Variants in CARD10 observed in about 807,000 individuals in gnomAD.
The protein encoded by CARD10 is caspase recruitment domain family member 10.
In CARD10, 49 loss-of-function variants were observed where a neutral mutation model predicts 114.6. The ratio of observed to expected loss-of-function variants is 0.43; its 90% CI spans 0.34 to 0.54. The LOEUF (loss-of-function observed/expected upper bound fraction) is 0.54. CARD10 is among the 20% of genes least tolerant of loss of function. The pLI is 0.03. For synonymous variants in CARD10, 602 were observed against 593.2 expected, an observed-to-expected ratio of 1.01 and a Z score of -0.21; for missense variants, 1,206 against 1,397.2, an observed-to-expected ratio of 0.86 and a Z score of 2.18.
chr22:37,495,713 C>G, intron 14 of CARD10, 47 bp downstream of exon 14: 1 of 1,611,746 alleles, frequency 6.2e-7, no homozygotes, highest in Non-Finnish European at 8.5e-7. Flanking sequence ...CCATCTGAGC[C>G]CTGGCTCCCA....
intron 16 of CARD10, 51 bp downstream of exon 16, chr22:37,494,035 C>T (rs1467913233): frequency 7.5e-7 from 1 of 1,332,552 alleles, no homozygotes; most frequent in Non-Finnish European, 1.1e-6. Context: ...CTGCACACAT[C>T]CCTGGACAAT....
intron 9 of CARD10, 150 bp from the exon 10 acceptor site, chr22:37,503,363 C>A: frequency 1.5e-6 from 1 of 683,708 alleles, no homozygotes; most frequent in Non-Finnish European, 2.4e-6. Flanking sequence ...AGGTACAGGG[C>A]ACCCATGCCA....
intron 3 of CARD10, 162 bp from the exon 4 acceptor site, chr22:37,510,583 G>A (rs919473748): frequency 9.6e-6 from 6 of 625,026 alleles, no homozygotes; most frequent in African/African-American, 9.2e-5. Context: ...AGGACAGGCT[G>A]GACAGATATA....
At chr22:37,509,800 T>C (rs1443515058) in intron 4 of CARD10, among the ~76,000 whole-genome samples, 2 of 113,052 alleles carry the variant, frequency 1.8e-5, no homozygotes, top group African/African-American at 3.1e-5. Flanking sequence ...TGGTACCTGC[T>C]GCAGGCCCTC....
chr22:37,510,418 C>A lies in CARD10; in HGVS notation c.703G>T (p.Asp235Tyr). The A allele has an allele frequency of 6.2e-7, 1 of 1,613,334 alleles. No homozygotes were observed. Among genetic ancestry groups the A allele is most frequent in the Non-Finnish European group, 8.5e-7 (1 of 1,179,810 alleles). Reference sequence around the variant, plus strand: ...CGACTCACTTTGAGCTTGAGCTGATCCACCTGGAGCCCAAGACATGGGTCA... The same window carrying A: ...CGACTCACTTTGAGCTTGAGCTGATACACCTGGAGCCCAAGACATGGGTCA... Reference protein sequence around the residue: ...LRSRDLQLAVDQLKLKVSRLE... With the variant: ...LRSRDLQLAVYQLKLKVSRLE... The change falls in exon 4 of 20, where the codon GAT becomes TAT. Residue 235 changes from aspartate (D) to tyrosine (Y), a missense_variant. Transcript: ENST00000251973.
intron 8 of CARD10, 115 bp from the exon 9 acceptor site, chr22:37,504,416 G>A: frequency 9.5e-7 from 1 of 1,052,258 alleles, no homozygotes; most frequent in Non-Finnish European, 1.3e-6. Context: ...GAGCAGAAGA[G>A]CGGGCTCTGC....
Position 37,492,162 on chromosome 22 carries a change from A to C in CARD10, c.2751+273T>G, listed in dbSNP as rs899408660. Reference sequence around the variant, plus strand: ...ACCTTATAGCCGACTGCCAGCTCCCAGGATAGTGGCAAGTTCAAGGATAAG... The same window carrying C: ...ACCTTATAGCCGACTGCCAGCTCCCCGGATAGTGGCAAGTTCAAGGATAAG... On this transcript the variant is annotated intron_variant, in intron 18 of 19. Transcript: ENST00000251973. The surrounding 1 kb of genome is among the most constrained non-coding windows in gnomAD (Gnocchi z 5.7). Among the ~76,000 whole-genome samples, 7 of 150,086 alleles carry C rather than the reference A, an allele frequency of 4.7e-5. No individual in the cohort carries two copies. Among genetic ancestry groups the C allele is most frequent in the African/African-American group, 1.5e-4 (6 of 40,742 alleles).
In CARD10 at chr22:37,504,243, G is replaced by A. The variant is rs746331330; in HGVS notation, c.1577C>T (p.Pro526Leu). Residue 526 changes from proline (P) to leucine (L), a missense_variant, in exon 9 of 20, where the codon CCC becomes CTC. Transcript: ENST00000251973. ...INRLSILPFP[P>L]SAGSILRRQR... is the part of the protein sequence containing the mutation. ...CCGGCGGAGGATGGAGCCGGCACTG[G>A]GGGGGAAGGGCAGGATGGAGAGCCG... 3.8e-6 allele frequency: 6 copies of A among 1,580,838 alleles called. No homozygotes were observed. In the East Asian group the frequency reaches 1.2e-4, roughly 30 times the overall value.
chr22:37,517,375 C>T (rs1293899453), intron 2 of CARD10, among the ~76,000 whole-genome samples: 1 of 152,198 alleles, frequency 6.6e-6, no homozygotes, highest in Non-Finnish European at 1.5e-5. Flanking sequence ...CAGTGGCTCA[C>T]GCCTGTAATC....
chr22:37,492,391 T>C lies in CARD10; in HGVS notation c.2751+44A>G, dbSNP rs763197028. On this transcript the variant is annotated intron_variant, in intron 18 of 19. Coordinates refer to ENST00000251973, the MANE Select transcript of CARD10 (RefSeq NM_014550.4). The surrounding 1 kb of genome is among the most constrained non-coding windows in gnomAD (Gnocchi z 5.7). ...AAGCCCAGAACAGCAGCACCCGCTC[T>C]GGGCCACCTCTGTGAGCACCCCAGG... 1.1e-5 allele frequency: 16 copies of C among 1,401,300 alleles called. No homozygotes were observed. In the East Asian group the frequency reaches 3.5e-4, roughly 30 times the overall value. The allele number at this position is 1,401,300 out of a possible 1,614,324, so 86.8% of individuals were successfully genotyped here.
intron 9 of CARD10, 193 bp downstream of exon 9, chr22:37,503,993 T>G (rs374814110): frequency 6.5e-5 from 46 of 711,832 alleles, no homozygotes; most frequent in African/African-American, 5.9e-4. Context: ...CCCATCGGCC[T>G]TATCTTAAGC....
In CARD10 at chr22:37,496,376, C is replaced by T; in HGVS notation, c.2059+73G>A. 8.8e-7 allele frequency: 1 copy of T among 1,137,334 alleles called. No individual in the cohort carries two copies. The highest frequency in any genetic ancestry group is 1.3e-6 in the Non-Finnish European group (1 of 778,066). 70.5% of individuals were successfully genotyped at this position (1,137,334 alleles called of 1,614,324 possible). On this transcript the variant is annotated intron_variant, in intron 13 of 19. Coordinates refer to ENST00000251973, the MANE Select transcript of CARD10 (RefSeq NM_014550.4). This position sits in a 1 kb window ranked among gnomAD's most constrained non-coding sequence, Gnocchi z 4.1. ...TGGTCCCTTCTCAGGTCCTTGGTCC[C>T]TCCCCACCCCATGCACCACGGGTTA...
intron 11 of CARD10, 87 bp from the exon 12 acceptor site, chr22:37,497,265 T>C: frequency 7.1e-7 from 1 of 1,414,340 alleles, no homozygotes. Context: ...AGTGATTTCA[T>C]TTCCCAAGTA....
At chr22:37,493,028 G>C (rs958088721) in intron 16 of CARD10, among the ~76,000 whole-genome samples, 3 of 152,028 alleles carry the variant, frequency 2.0e-5, no homozygotes, top group African/African-American at 7.3e-5. Context: ...CCATCCAGCA[G>C]CCAGAGAGGC....
Position 37,495,869 on chromosome 22 carries a change from G to A in CARD10, c.2194C>T (p.Leu732Phe), listed in dbSNP as rs1419969622. The A allele has an allele frequency of 1.2e-6, 2 of 1,614,164 alleles. No individual in the cohort carries two copies. The highest frequency in any genetic ancestry group is 1.1e-5 in the South Asian group (1 of 91,090). The change falls in exon 14 of 20, where the codon CTT becomes TTT. Residue 732 changes from leucine to phenylalanine, a missense_variant. Leu to Phe is a conservative substitution (Grantham distance 22). This residue lies in a region of CARD10 where 1,068 missense variants were observed against 1,179.1 expected (regional missense o/e 0.91). Coordinates refer to ENST00000251973, the MANE Select transcript of CARD10 (RefSeq NM_014550.4). ...TTGTATGCCGAGTCCACCAGTCGAA[G>A]GATCTCTTGGGCTTTCACGCAAAGG... Reference protein sequence around the residue: ...HALCVKAQEILRLVDSAYKRR... With the variant: ...HALCVKAQEIFRLVDSAYKRR...
At position 37,516,215 on chromosome 22, in the gene CARD10, G is replaced by A. The variant is rs777963707; in HGVS notation, c.457C>T (p.Arg153Trp). The A allele has an allele frequency of 5.0e-6, 8 of 1,600,518 alleles. No homozygotes were observed. The highest frequency in any genetic ancestry group is 4.5e-5 in the East Asian group (2 of 44,550). The part of the protein sequence containing the change: ...LREARKSQLQ[R>W]EQQLQARGRV... ...CCCCGGGCCTGCAGTTGCTGCTCCC[G>A]CTGCAGCTGGCTCTTGCGAGCTTCC... The change falls in exon 3 of 20, where the codon CGG becomes TGG. Residue 153 changes from arginine (R) to tryptophan (W), a missense_variant. By Grantham distance (101) the Arg-to-Trp change is moderately radical. Around this residue, in one of 2 missense-constraint regions of CARD10, gnomAD observed 1,068 missense variants for 1,179.1 expected, o/e 0.91. Transcript: ENST00000251973.
At chr22:37,510,126 G>T in intron 4 of CARD10, 86 bp downstream of exon 4, 1 of 783,038 alleles carries the variant, frequency 1.3e-6, no homozygotes, top group Non-Finnish European at 1.8e-6. Flanking sequence ...CCCCCACCCC[G>T]CAGCCTGTGC....
At chr22:37,512,508 C>CAT (rs1923697677) in intron 3 of CARD10, among the ~76,000 whole-genome samples, 2 of 150,952 alleles carry the variant, frequency 1.3e-5, no homozygotes, top group Admixed American at 1.3e-4. Context: ...CACACACACA[C>CAT]ACACACACAC....
At position 37,504,684 on chromosome 22, in the gene CARD10, T is replaced by C; in HGVS notation, c.1469A>G (p.Glu490Gly). The C allele has an allele frequency of 1.9e-6, 3 of 1,574,622 alleles. No homozygotes were observed. The highest frequency in any genetic ancestry group is 2.6e-6 in the Non-Finnish European group (3 of 1,161,940). The change falls in exon 8 of 20, where the codon GAA becomes GGA. Residue 490 changes from glutamate (E) to glycine (G), a missense_variant. Glu to Gly is a moderately conservative substitution (Grantham distance 98). This residue lies in a region of CARD10 where 1,068 missense variants were observed against 1,179.1 expected (regional missense o/e 0.91). Transcript: ENST00000251973. ...SEFPSPLGGP[E>G]ATGEAAVMGG... ...CATGACAGCTGCCTCCCCAGTTGCT[T>C]CTGGGCCTCCCAGAGGGGAGGGGAA...
Sources: gnomAD v4.1 joint callset for allele counts (sites outside exome capture counted in the v4.1 genomes callset) on GRCh38, gnomAD v4.1.1 for gene constraint, gnomAD v4.1.1 regional missense constraint, Gnocchi (gnomAD v3.1) non-coding constraint, MANE v1.5 for transcripts, NCBI Gene and HGNC (gene_info 2026-07-23, HGNC 2026-07-21) for gene names.